SCN10A: variants seen among roughly 807,000 people sequenced by gnomAD.
The protein encoded by SCN10A is sodium voltage-gated channel alpha subunit 10.
A neutral mutation model predicts 170.7 loss-of-function variants in SCN10A; 162 were observed. The observed-to-expected ratio is 0.95, with a 90% confidence interval of 0.84 to 1.08. SCN10A has a LOEUF of 1.08. Among genes scored for constraint, SCN10A ranks in the 50% least tolerant of loss-of-function variants. SCN10A has a pLI of 0.00. For synonymous variants in SCN10A, 985 were observed against 904.6 expected (o/e 1.09, Z -1.59); for missense variants, 2,527 against 2,436.9 (o/e 1.04, Z -0.78).
chr3:38,779,506 C>A (rs2064113434), intron 4 of SCN10A, among the ~76,000 whole-genome samples: 2 of 151,926 alleles, frequency 1.3e-5, no homozygotes, highest in African/African-American at 2.4e-5. Context: ...ATTAGATCTA[C>A]TGTTTTTCTA....
chr3:38,775,101 C>T lies in SCN10A; in HGVS notation c.471-3694G>A, dbSNP rs371863409. Among the ~76,000 whole-genome samples, 7 of 152,148 alleles carry T rather than the reference C, an allele frequency of 4.6e-5. No individual in the cohort carries two copies. The East Asian group carries it at 1.2e-3, about 25-fold the overall frequency. On this transcript the variant is annotated intron_variant, in intron 4 of 27. Transcript: ENST00000449082. ...GGTAAAATATGCATAATATACATAA[C>T]ATAAAATTTACCACTTTCACCATTT...
At chr3:38,767,313 C>T (rs1327310246) in intron 5 of SCN10A, among the ~76,000 whole-genome samples, 1 of 151,330 alleles carries the variant, frequency 6.6e-6, no homozygotes, top group Non-Finnish European at 1.5e-5. Flanking sequence ...TCTCTAATTC[C>T]TTGAGGTGTG....
rs766143752 is a variant in SCN10A, at chr3:38,761,315, T to A, written c.760A>T (p.Ile254Phe). Residue 254 changes from isoleucine to phenylalanine, a missense_variant, in exon 7 of 28, where the codon ATC (isoleucine) becomes TTC (phenylalanine). By Grantham distance (21) the Ile-to-Phe change is conservative. Coordinates refer to ENST00000449082, the MANE Select transcript of SCN10A (RefSeq NM_006514.4). ...AAGGCAAAAACACTTAGGCAGAAGA[T>A]GGTGAGGATGGTCACATCAGCCAGT... ...KKLADVTILT[I>F]FCLSVFALVG... 34 of 1,613,850 alleles carry A rather than the reference T, an allele frequency of 2.1e-5. No individual in the cohort carries two copies. The highest frequency in any genetic ancestry group is 2.8e-5 in the Non-Finnish European group (33 of 1,179,910).
intron 11 of SCN10A, among the ~76,000 whole-genome samples, chr3:38,754,314 C>T (rs2063780146): frequency 6.6e-6 from 1 of 152,240 alleles, no homozygotes; most frequent in African/African-American, 2.4e-5. Flanking sequence ...CTCTAATACA[C>T]TATTTAACAC....
At position 38,727,051 on chromosome 3, in the gene SCN10A, A is replaced by C; in HGVS notation, c.2642T>G (p.Val881Gly). The C allele has an allele frequency of 1.3e-6, 2 of 1,599,396 alleles. No individual in the cohort carries two copies. Among genetic ancestry groups the C allele is most frequent in the Non-Finnish European group, 8.6e-7 (1 of 1,167,626 alleles). The change falls in exon 17 of 28, where the codon GTG becomes GGG. Residue 881 changes from valine to glycine, a missense_variant and splice_region_variant. Val to Gly is a moderately radical substitution (Grantham distance 109, BLOSUM62 -3). Coordinates refer to ENST00000449082, the MANE Select transcript of SCN10A (RefSeq NM_006514.4). ...TAGCAGGGCGATGAACAGGTTAAGC[A>C]CCTGAAGAGAAGGAATGGAAGGGAA... is the stretch of plus-strand genomic sequence containing the variant. Reference protein sequence around the residue: ...LTVMVLGNLVVLNLFIALLLN... With the variant: ...LTVMVLGNLVGLNLFIALLLN...
rs375735101 is a variant in SCN10A at position 38,697,855 on chromosome 3, C to A, written c.5365G>T (p.Asp1789Tyr). The A allele has an allele frequency of 6.2e-7, 1 of 1,613,986 alleles. No homozygotes were observed. The highest frequency in any genetic ancestry group is 1.3e-5 in the African/African-American group (1 of 74,890). Reference sequence around the variant, plus strand: ...TTATCTCCAGGGACCAAAGGCAGGTCCATCTGGATCAGTATATTTCGATTG... The same window carrying A: ...TTATCTCCAGGGACCAAAGGCAGGTACATCTGGATCAGTATATTTCGATTG... ...KPNRNILIQMDLPLVPGDKIH... is the reference protein window; with the variant it reads ...KPNRNILIQMYLPLVPGDKIH... The change falls in exon 28 of 28, where the codon GAC becomes TAC. Residue 1789 changes from aspartate to tyrosine, a missense_variant. Transcript: ENST00000449082.
At chr3:38,792,297 A>C (rs991637531) in intron 2 of SCN10A, 129 bp from the exon 3 acceptor site, 19 of 1,174,290 alleles carry the variant, frequency 1.6e-5, no homozygotes, top group Non-Finnish European at 2.0e-5. Context: ...CTACAGGTCA[A>C]TGAGAGTCAA....
intron 4 of SCN10A, among the ~76,000 whole-genome samples, chr3:38,782,896 A>C (rs1356241653): frequency 6.6e-6 from 1 of 152,158 alleles, no homozygotes; most frequent in Non-Finnish European, 1.5e-5. Context: ...TTGTTGCCTT[A>C]ACAAAATACC....
chr3:38,779,326 T>G (rs967593802), intron 4 of SCN10A, among the ~76,000 whole-genome samples: 1 of 152,060 alleles, frequency 6.6e-6, no homozygotes, highest in African/African-American at 2.4e-5. Flanking sequence ...GTCATTGAAT[T>G]TATAGACTAA....
chr3:38,721,549 G>C (rs1265872840), intron 20 of SCN10A, among the ~76,000 whole-genome samples: 3 of 152,216 alleles, frequency 2.0e-5, no homozygotes, highest in African/African-American at 7.2e-5. Context: ...ACAAAGCCCA[G>C]TATTCAGCCA....
chr3:38,707,158 A>G, intron 26 of SCN10A, 121 bp downstream of exon 26: 4 of 1,041,986 alleles, frequency 3.8e-6, no homozygotes, highest in Non-Finnish European at 5.6e-6. Context: ...CCTCATCCCA[A>G]CGTCAACCCA....
At chr3:38,715,189 A>G (rs1020797990) in intron 21 of SCN10A, among the ~76,000 whole-genome samples, 32 of 152,050 alleles carry the variant, frequency 2.1e-4, no homozygotes, top group African/African-American at 6.8e-4. Flanking sequence ...TCCATGCTGA[A>G]CCCTATTCAG....
At chr3:38,786,894 T>A (rs1470133521) in intron 4 of SCN10A, among the ~76,000 whole-genome samples, 1 of 152,166 alleles carries the variant, frequency 6.6e-6, no homozygotes, top group Non-Finnish European at 1.5e-5. Context: ...CTTACACCAA[T>A]GGCACACTGC....
intron 15 of SCN10A, among the ~76,000 whole-genome samples, chr3:38,733,916 C>T (rs2063534769): frequency 6.6e-6 from 1 of 152,158 alleles, no homozygotes; most frequent in Non-Finnish European, 1.5e-5. Context: ...GATGGGTCTT[C>T]TCCATGTTGG....
intron 4 of SCN10A, among the ~76,000 whole-genome samples, chr3:38,784,996 T>C (rs2064180686): frequency 6.6e-6 from 1 of 152,104 alleles, no homozygotes; most frequent in Admixed American, 6.6e-5. Flanking sequence ...CACAAATAAA[T>C]GGAAAAACAT....
At chr3:38,711,986 C>T (rs1210504675) in intron 23 of SCN10A, among the ~76,000 whole-genome samples, 175 bp downstream of exon 23, 1 of 152,174 alleles carries the variant, frequency 6.6e-6, no homozygotes. Flanking sequence ...ATATCATATT[C>T]ACTAGGAAGG....
At chr3:38,712,485 C>T in intron 22 of SCN10A, 40 bp from the exon 23 acceptor site, 1 of 1,595,148 alleles carries the variant, frequency 6.3e-7, no homozygotes, top group East Asian at 2.2e-5. Flanking sequence ...CTCCCAATGC[C>T]CCACCCCCTC....
At position 38,701,944 on chromosome 3, in the gene SCN10A, C is replaced by T. The variant is rs202040659; in HGVS notation, c.4552G>A (p.Val1518Ile). 5.1e-5 allele frequency: 83 copies of T among 1,614,110 alleles called. No individual in the cohort carries two copies. In the African/African-American group the frequency reaches 6.9e-4, roughly 13 times the overall value. ...LGKINQFFVA[V>I]FTGECVMKMF... is the part of the protein sequence containing the mutation. ...TTCATGACACATTCGCCTGTGAAGA[C>T]GGCCACAAAGAACTGGTTGATTTTG... is the stretch of plus-strand genomic sequence containing the variant. The change falls in exon 27 of 28, where the codon GTC (valine) becomes ATC (isoleucine). Residue 1518 changes from valine (V) to isoleucine (I), a missense_variant. By Grantham distance (29) the Val-to-Ile change is conservative. Transcript: ENST00000449082.
chr3:38,770,548 G>A (rs1353228535), intron 5 of SCN10A, among the ~76,000 whole-genome samples: 1 of 152,066 alleles, frequency 6.6e-6, no homozygotes, highest in Non-Finnish European at 1.5e-5. Context: ...CTGCTAGTGA[G>A]AGGCCTCACC....
Sources: gnomAD v4.1 joint callset for allele counts (sites outside exome capture counted in the v4.1 genomes callset) on GRCh38, gnomAD v4.1.1 for gene constraint, MANE v1.5 for transcripts, NCBI Gene and HGNC (gene_info 2026-07-23, HGNC 2026-07-21) for gene names.